The following OLA1 variants were observed in gnomAD, a reference collection of about 807,000 sequenced individuals.
OLA1 encodes Obg like ATPase 1, also known as obg-like ATPase 1.
A neutral mutation model predicts 48.4 loss-of-function variants in OLA1; 14 were observed. The observed-to-expected ratio is 0.29, with a 90% CI of 0.19 to 0.45. The LOEUF (loss-of-function observed/expected upper bound fraction) is 0.45. OLA1 is among the 20% of genes least tolerant of loss of function. The pLI is 1.00. For missense variants in OLA1, 325 were observed against 467.1 expected (o/e 0.70, Z 2.80); for synonymous variants, 127 against 150.4 (o/e 0.84, Z 1.14).
intron 4 of OLA1, among the ~76,000 whole-genome samples, chr2:174,218,980 G>T (rs906491647): frequency 7.3e-5 from 10 of 136,958 alleles, no homozygotes; most frequent in African/African-American, 2.9e-4. Flanking sequence ...GGCCACCAAG[G>T]CCGGCTAATT....
chr2:174,153,610 C>T (rs10497415), intron 4 of OLA1, among the ~76,000 whole-genome samples: 15,077 of 152,058 alleles, frequency 0.099, 1,917 homozygotes, highest in East Asian at 0.68. Flanking sequence ...TAGACATCCG[C>T]ACCATTAAAG....
At chr2:174,092,417 C>T (rs1574476294) in intron 7 of OLA1, among the ~76,000 whole-genome samples, 1 of 152,230 alleles carries the variant, frequency 6.6e-6, no homozygotes, top group East Asian at 1.9e-4. Flanking sequence ...GTAATCCCAG[C>T]ACTTTGGGAG....
chr2:174,225,480 C>T (rs1349254935), intron 3 of OLA1, among the ~76,000 whole-genome samples: 26 of 151,930 alleles, frequency 1.7e-4, no homozygotes, highest in East Asian at 1.9e-4. Flanking sequence ...ACCCAGGAGG[C>T]GGAGGTTGCA....
chr2:174,087,688 A>G (rs367713989), intron 7 of OLA1, among the ~76,000 whole-genome samples: 1 of 152,154 alleles, frequency 6.6e-6, no homozygotes, highest in East Asian at 1.9e-4. Flanking sequence ...TTGCAACTTA[A>G]AACACAACCC....
intron 7 of OLA1, among the ~76,000 whole-genome samples, chr2:174,115,568 T>C (rs1168846037): frequency 3.9e-5 from 6 of 152,176 alleles, no homozygotes; most frequent in African/African-American, 1.4e-4. Context: ...AACATATACG[T>C]TTTTTCAAGT....
chr2:174,215,496 T>G (rs1196441967), intron 4 of OLA1, among the ~76,000 whole-genome samples: 2 of 152,178 alleles, frequency 1.3e-5, no homozygotes, highest in Non-Finnish European at 2.9e-5. Context: ...GAAAATTTTT[T>G]GAAGATTTGC....
intron 7 of OLA1, among the ~76,000 whole-genome samples, chr2:174,099,265 C>G (rs756709238): frequency 5.9e-5 from 9 of 152,176 alleles, no homozygotes; most frequent in South Asian, 4.1e-4. Context: ...AAGCGATTCC[C>G]CTGCCTCAGC....
chr2:174,144,911 G>A (rs375148983), intron 4 of OLA1, among the ~76,000 whole-genome samples: 5 of 120,614 alleles, frequency 4.1e-5, no homozygotes, highest in South Asian at 2.9e-4. Context: ...CACGCTGGGC[G>A]ACAGAGTAAG....
intron 7 of OLA1, among the ~76,000 whole-genome samples, chr2:174,112,310 T>G (rs912745755): frequency 2.6e-5 from 4 of 152,320 alleles, no homozygotes; most frequent in Middle Eastern, 3.4e-3. Context: ...AGTTCCTTAA[T>G]CTCTCCATAC....
At chr2:174,234,337 A>G (rs951757503) in intron 2 of OLA1, among the ~76,000 whole-genome samples, 1 of 152,220 alleles carries the variant, frequency 6.6e-6, no homozygotes, top group Non-Finnish European at 1.5e-5. Flanking sequence ...TAAGGCTTCC[A>G]GTCAATAGTT....
intron 4 of OLA1, among the ~76,000 whole-genome samples, chr2:174,220,503 T>C (rs1287449703): frequency 2.6e-5 from 4 of 152,204 alleles, no homozygotes; most frequent in African/African-American, 7.2e-5. Flanking sequence ...TTTTATTCAA[T>C]GTCTGTATCC....
At chr2:174,114,686 T>C (rs1685740116) in intron 7 of OLA1, among the ~76,000 whole-genome samples, 1 of 152,206 alleles carries the variant, frequency 6.6e-6, no homozygotes, top group Non-Finnish European at 1.5e-5. Context: ...GGAATACTGA[T>C]GACTACCCCT....
rs1189550114 is a variant in OLA1 at position 174,075,302 on chromosome 2, ATTTG to A, written c.*120_*123del. 5.4e-5 allele frequency: 33 copies of A among 611,780 alleles called. No individual in the cohort carries two copies. Among genetic ancestry groups the A allele is most frequent in the East Asian group, 1.4e-4 (5 of 35,300 alleles). 37.9% of individuals were successfully genotyped at this position (611,780 alleles called of 1,614,324 possible). A position where few individuals can be genotyped will look rare whatever the true frequency, so the allele number is the denominator to read the frequency against. On this transcript the variant is annotated 3_prime_UTR_variant, in exon 11 of 11. Coordinates refer to ENST00000284719, the MANE Select transcript of OLA1 (RefSeq NM_013341.5). ...TTTAATTTTAAAACAAATAAAAATA[ATTTG>A]TTTGTCAAAGATTCCCATCTCCCCA...
At chr2:174,168,765 CTA>C (rs1453672151) in intron 4 of OLA1, among the ~76,000 whole-genome samples, 2 of 115,484 alleles carry the variant, frequency 1.7e-5, no homozygotes, top group East Asian at 2.1e-4. Flanking sequence ...ATCTATCTAT[CTA>C]TCTATCTATC....
At chr2:174,232,278 A>T (rs1423907187) in intron 2 of OLA1, among the ~76,000 whole-genome samples, 1 of 152,236 alleles carries the variant, frequency 6.6e-6, no homozygotes, top group Non-Finnish European at 1.5e-5. Flanking sequence ...ATACCAGTGC[A>T]AATTCCCACA....
Position 174,203,746 on chromosome 2 carries a change from T to C in OLA1, c.373+19287A>G, listed in dbSNP as rs551460059. Among the ~76,000 whole-genome samples the C allele has an allele frequency of 2.0e-4, 31 of 152,278 alleles. 1 individual carries two copies. The South Asian group carries it at 5.4e-3, about 27-fold the overall frequency. ...ACTGAAATACATACACTTTAAGTTA[T>C]TCCCTATGTATACTGTACAATTTTA... On this transcript the variant is annotated intron_variant, in intron 4 of 10. Transcript: ENST00000284719.
At chr2:174,246,940 T>A in intron 1 of OLA1, 125 bp from the exon 2 acceptor site, 1 of 508,492 alleles carries the variant, frequency 2.0e-6, no homozygotes, top group Non-Finnish European at 3.5e-6. Context: ...TATATAGCGA[T>A]CCAAAACTAA....
At chr2:174,146,682 T>C (rs1031794410) in intron 4 of OLA1, among the ~76,000 whole-genome samples, 5 of 152,144 alleles carry the variant, frequency 3.3e-5, no homozygotes, top group African/African-American at 9.7e-5. Context: ...TATGCTCTTA[T>C]GAGAGCGAGG....
intron 2 of OLA1, among the ~76,000 whole-genome samples, chr2:174,231,998 G>C (rs993331515): frequency 2.6e-5 from 4 of 152,018 alleles, no homozygotes; most frequent in African/African-American, 9.7e-5. Context: ...ATCCCTTGAG[G>C]TTAATATTAA....
Sources: allele counts gnomAD v4.1 joint callset (sites outside exome capture counted in the v4.1 genomes callset), GRCh38; gene constraint gnomAD v4.1.1; transcripts MANE v1.5; gene names NCBI Gene and HGNC (gene_info 2026-07-23, HGNC 2026-07-21).